The following KANK2 variants were observed in gnomAD, a reference collection of about 807,000 sequenced individuals.
KANK2 encodes KN motif and ankyrin repeat domains 2.
KANK2 carries 41 observed loss-of-function variants against 74.6 expected under a neutral mutation model. The observed-to-expected ratio is 0.55, with a 90% CI of 0.43 to 0.71. The LOEUF (loss-of-function observed/expected upper bound fraction) is 0.71. KANK2 is among the 30% of genes least tolerant of loss of function. The pLI is 0.00. For synonymous variants in KANK2, 537 were observed against 519.0 expected (o/e 1.03, Z -0.47); for missense variants, 1,148 against 1,196.4 (o/e 0.96, Z 0.60).
At chr19:11,196,238 A>G (rs2079016087) in intron 1 of KANK2, 1 of 152,136 alleles carries the variant, frequency 6.6e-6, no homozygotes, top group Admixed American at 6.6e-5. Context: ...CTGTATTTTT[A>G]GTAGAGATGG....
intron 4 of KANK2, among the ~76,000 whole-genome samples, chr19:11,188,983 T>C (rs1187063249): frequency 2.3e-5 from 3 of 128,488 alleles, no homozygotes; most frequent in Non-Finnish European, 3.4e-5. Context: ...AGACTCCATC[T>C]CAAAAAAAAA....
Position 11,169,417 on chromosome 19 carries a change from A to C in KANK2, c.2502+460T>G, listed in dbSNP as rs568272837. Among the ~76,000 whole-genome samples the C allele has an allele frequency of 9.2e-5, 14 of 152,302 alleles. No individual in the cohort carries two copies. In the East Asian group the frequency reaches 2.7e-3, roughly 29 times the overall value. On this transcript the variant is annotated intron_variant, in intron 12 of 12. Coordinates refer to ENST00000586659, the MANE Select transcript of KANK2 (RefSeq NM_001136191.3). ...CAACTACTCAGGAGGCTGAGGTGAA[A>C]GGATCACTTGAGCCCAGGAAGTGGA...
chr19:11,173,660 T>C (rs529462551), intron 9 of KANK2, among the ~76,000 whole-genome samples: 1 of 152,194 alleles, frequency 6.6e-6, no homozygotes, highest in Non-Finnish European at 1.5e-5. Flanking sequence ...TTTTCCATTA[T>C]GCTGGCTAAA....
intron 1 of KANK2, chr19:11,196,057 C>G (rs1352064785): frequency 8.0e-6 from 1 of 124,888 alleles, no homozygotes; most frequent in Non-Finnish European, 1.6e-5. Flanking sequence ...AACATCAACT[C>G]TTTTTTTTTT....
At position 11,193,552 on chromosome 19, in the gene KANK2, T is replaced by C. The variant is rs772327916; in HGVS notation, c.528A>G (p.Thr176=). The change falls in exon 4 of 13, where the codon ACA becomes ACG. Residue 176 remains threonine, a synonymous_variant. Transcript: ENST00000586659. The surrounding 1 kb of genome is among the most constrained non-coding windows in gnomAD (Gnocchi z 9.6). ...GGTGCCCGGCACTGGGAGGCACCGG[T>C]GTGGACAGTCCTGAACTCCGTGGTG... The part of the protein sequence containing the change: ...PPTPRSSGLS[T]PVPPSAGHLA... 2 of 1,604,048 alleles carry C rather than the reference T, an allele frequency of 1.2e-6. No individual in the cohort carries two copies. Among genetic ancestry groups the C allele is most frequent in the South Asian group, 1.1e-5 (1 of 90,846 alleles).
chr19:11,180,203 C>T (rs988847260), intron 4 of KANK2, among the ~76,000 whole-genome samples: 11 of 152,274 alleles, frequency 7.2e-5, no homozygotes, highest in Non-Finnish European at 1.0e-4. Context: ...TCCTGTCCCC[C>T]GGGGCGCCAA....
In KANK2 at chr19:11,193,664, G is replaced by C. The variant is rs201796712; in HGVS notation, c.416C>G (p.Ala139Gly). 8.1e-6 allele frequency: 13 copies of C among 1,602,764 alleles called. No individual in the cohort carries two copies. The highest frequency in any genetic ancestry group is 1.0e-5 in the Non-Finnish European group (12 of 1,174,008). Residue 139 changes from alanine to glycine, a missense_variant, in exon 4 of 13, where the codon GCG (alanine) becomes GGG (glycine). By Grantham distance (60) the Ala-to-Gly change is moderately conservative. Coordinates refer to ENST00000586659, the MANE Select transcript of KANK2 (RefSeq NM_001136191.3). This position sits in a 1 kb window ranked among gnomAD's most constrained non-coding sequence, Gnocchi z 9.6. The part of the protein sequence containing the change: ...LDARRRLEDQ[A>G]ATPTGLGSLT... ...GGAGCCCAGGCCGGTGGGTGTGGCC[G>C]CCTGGTCCTCGAGACGGCGACGGGC... is the stretch of plus-strand genomic sequence containing the variant.
chr19:11,175,455 A>AC (rs2078309457), intron 8 of KANK2, among the ~76,000 whole-genome samples: 1 of 149,976 alleles, frequency 6.7e-6, no homozygotes, highest in African/African-American at 2.5e-5. Context: ...AAAAAAAAAA[A>AC]AGAATTTTTT....
rs764235372 is a variant in KANK2 at position 11,176,817 on chromosome 19, C to A, written c.1521G>T (p.Gly507=). 22 of 1,507,868 alleles carry A rather than the reference C, an allele frequency of 1.5e-5. No individual in the cohort carries two copies. The East Asian group carries it at 4.3e-4, about 29-fold the overall frequency. 93.4% of individuals were successfully genotyped at this position (1,507,868 alleles called of 1,614,324 possible). A position where few individuals can be genotyped will look rare whatever the true frequency, so the allele number is the denominator to read the frequency against. ...TGGAGTCCTCGGATGACGACTCATA[C>A]CTGGGGAGGAACGAGCGGGGAGGGG... The part of the protein sequence containing the change: ...RSLQFVGVNG[G]YESSSEDSST... Residue 507 remains glycine, a splice_region_variant and synonymous_variant, in exon 7 of 13, where the codon GGG becomes GGT. Transcript: ENST00000586659.
intron 4 of KANK2, among the ~76,000 whole-genome samples, chr19:11,190,403 C>G (rs1424821807): frequency 6.6e-6 from 1 of 152,120 alleles, no homozygotes; most frequent in Non-Finnish European, 1.5e-5. Context: ...GCTAGGATTA[C>G]AGGCCTGATG....
chr19:11,182,353 G>A (rs12985316), intron 4 of KANK2, among the ~76,000 whole-genome samples: 10,024 of 151,296 alleles, frequency 0.066, 380 homozygotes, highest in Admixed American at 0.09. Flanking sequence ...CTCTATCTCT[G>A]CAAAAAATTA....
rs142006548 is a variant in KANK2, at chr19:11,186,157, G to A, written c.1249+6674C>T. Among the ~76,000 whole-genome samples the A allele has an allele frequency of 5.0e-3, 764 of 152,292 alleles. 3 individuals are homozygous for A. The highest frequency in any genetic ancestry group is 8.0e-3 in the Non-Finnish European group (543 of 68,018). On this transcript the variant is annotated intron_variant, in intron 4 of 12. Transcript: ENST00000586659. ...AATCCCAGCACTTTGGGAGGCCAAGGCGGGTGGATCACCTAAGGATGAGAG... is the reference window on the plus strand; with the variant it reads ...AATCCCAGCACTTTGGGAGGCCAAGACGGGTGGATCACCTAAGGATGAGAG...
intron 4 of KANK2, among the ~76,000 whole-genome samples, chr19:11,188,666 CTTCT>C: frequency 6.6e-6 from 1 of 151,822 alleles, no homozygotes; most frequent in African/African-American, 2.4e-5. Context: ...CTTCTGGTGA[CTTCT>C]TTCATGTCTT....
At position 11,178,325 on chromosome 19, in the gene KANK2, G is replaced by A. The variant is rs780527909; in HGVS notation, c.1520+20C>T. On this transcript the variant is annotated intron_variant, in intron 6 of 12. Coordinates refer to ENST00000586659, the MANE Select transcript of KANK2 (RefSeq NM_001136191.3). ...AGGGGCGGGAAGTATGGGGTGGGGGGTGGGGTCTTCTCCTCTCACCCGCCG... is the reference window on the plus strand; with the variant it reads ...AGGGGCGGGAAGTATGGGGTGGGGGATGGGGTCTTCTCCTCTCACCCGCCG... 22 of 513,858 alleles carry A rather than the reference G, an allele frequency of 4.3e-5. No homozygotes were observed. Among genetic ancestry groups the A allele is most frequent in the South Asian group, 3.8e-4 (19 of 49,674 alleles). The allele number at this position is 513,858 out of a possible 1,614,324, so 31.8% of individuals were successfully genotyped here.
chr19:11,193,056 C>T lies in KANK2; in HGVS notation c.1024G>A (p.Val342Met). 12 of 1,610,826 alleles carry T rather than the reference C, an allele frequency of 7.4e-6. No homozygotes were observed. The highest frequency in any genetic ancestry group is 9.3e-6 in the Non-Finnish European group (11 of 1,178,702). Residue 342 changes from valine to methionine, a missense_variant, in exon 4 of 13, where the codon GTG becomes ATG. Transcript: ENST00000586659. The surrounding 1 kb of genome is among the most constrained non-coding windows in gnomAD (Gnocchi z 9.6). ...VVEGPREVEV[V>M]ASTAAGAPAQ... Reference sequence around the variant, plus strand: ...GGGGCGCCAGCGGCTGTGCTGGCCACCACCTCCACCTCCCGTGGCCCTTCT... The same window carrying T: ...GGGGCGCCAGCGGCTGTGCTGGCCATCACCTCCACCTCCCGTGGCCCTTCT...
At chr19:11,166,641 T>C in intron 12 of KANK2, 30 bp from the exon 13 acceptor site, 2 of 1,611,910 alleles carry the variant, frequency 1.2e-6, no homozygotes, top group South Asian at 1.1e-5. Flanking sequence ...TTCTTTTTGT[T>C]TGGGATCCTT....
chr19:11,170,343 T>G lies in KANK2; in HGVS notation c.2212-95A>C. 2 of 933,412 alleles carry G rather than the reference T, an allele frequency of 2.1e-6. No individual in the cohort carries two copies. The highest frequency in any genetic ancestry group is 2.2e-5 in the Admixed American group (1 of 45,484). 57.8% of individuals were successfully genotyped at this position (933,412 alleles called of 1,614,324 possible). The stretch of plus-strand genomic sequence containing the variant: ...CTGCTGTAGCTCCCACATACTCTGA[T>G]GGTGAAATGTACCCTCAACTTGCTG... On this transcript the variant is annotated intron_variant, in intron 10 of 12. Coordinates refer to ENST00000586659, the MANE Select transcript of KANK2 (RefSeq NM_001136191.3). This position sits in a 1 kb window ranked among gnomAD's most constrained non-coding sequence, Gnocchi z 5.2.
In KANK2 at chr19:11,181,976, G is replaced by GC. The variant is rs2078533145; in HGVS notation, c.1250-3257_1250-3256insG. ...TTTGTCATCCAGGTTGGAGTGCAGT[G>GC]ATGCGATCTTGGCTCACTGCAACCT... is the stretch of plus-strand genomic sequence containing the variant. On this transcript the variant is annotated intron_variant, in intron 4 of 12. Transcript: ENST00000586659. Among the ~76,000 whole-genome samples the GC allele has an allele frequency of 2.0e-4, 29 of 143,286 alleles. No homozygotes were observed. In the Admixed American group the frequency reaches 2.1e-3, roughly 10 times the overall value. 94.0% of individuals were successfully genotyped at this position (143,286 alleles called of 152,430 possible). A position where few individuals can be genotyped will look rare whatever the true frequency, so the allele number is the denominator to read the frequency against.
intron 12 of KANK2, among the ~76,000 whole-genome samples, chr19:11,168,167 T>C (rs2078076838): frequency 6.6e-6 from 1 of 151,704 alleles, no homozygotes; most frequent in African/African-American, 2.4e-5. Context: ...CACACCCGGC[T>C]AATATTTTGT....
Sources: allele counts gnomAD v4.1 joint callset (sites outside exome capture counted in the v4.1 genomes callset), GRCh38; gene constraint gnomAD v4.1.1; non-coding constraint Gnocchi (gnomAD v3.1); transcripts MANE v1.5; gene names NCBI Gene and HGNC (gene_info 2026-07-23, HGNC 2026-07-21).